Variants in RANGAP1 observed in about 807,000 individuals in gnomAD.
RANGAP1 encodes the protein Ran GTPase activating protein 1, also known as ran GTPase-activating protein 1.
In RANGAP1, 38 loss-of-function variants were observed where a neutral mutation model predicts 63.5. That is an observed-to-expected ratio of 0.60 (90% confidence interval 0.46 to 0.78). The LOEUF (loss-of-function observed/expected upper bound fraction) is 0.78, where lower values mean the gene tolerates loss of function less well. Among genes scored for constraint, RANGAP1 ranks in the 30% least tolerant of loss-of-function variants. The pLI is 0.00. For synonymous variants in RANGAP1, 329 were observed against 310.5 expected, an observed-to-expected ratio of 1.06 and a Z score of -0.63; for missense variants, 630 against 740.3, an observed-to-expected ratio of 0.85 and a Z score of 1.73.
At chr22:41,250,204 G>A (rs887898800) in intron 13 of RANGAP1, among the ~76,000 whole-genome samples, 6 of 152,214 alleles carry the variant, frequency 3.9e-5, no homozygotes, top group African/African-American at 1.4e-4. Flanking sequence ...TAGGCTTCCT[G>A]GGAAACAGAA....
intron 4 of RANGAP1, among the ~76,000 whole-genome samples, chr22:41,267,746 T>G (rs942795560): frequency 5.9e-5 from 9 of 152,134 alleles, no homozygotes; most frequent in African/African-American, 2.2e-4. Context: ...GGAGCAGGAC[T>G]GCGAGGTGCA....
chr22:41,283,213 A>AG (rs1451889966), intron 1 of RANGAP1, among the ~76,000 whole-genome samples: 27 of 114,944 alleles, frequency 2.3e-4, no homozygotes, highest in Middle Eastern at 4.4e-3. Flanking sequence ...TTAAAAAAAA[A>AG]AGGGGGGGGT....
At chr22:41,284,567 CAA>C (rs748021374) in intron 1 of RANGAP1, among the ~76,000 whole-genome samples, 2 of 132,420 alleles carry the variant, frequency 1.5e-5, no homozygotes, top group Non-Finnish European at 1.6e-5. Flanking sequence ...AACTCCGTCT[CAA>C]AAAAAAAAAA....
At chr22:41,264,957 C>T in intron 4 of RANGAP1, 114 bp from the exon 5 acceptor site, 1 of 1,074,658 alleles carries the variant, frequency 9.3e-7, no homozygotes, top group Non-Finnish European at 1.3e-6. Context: ...TGGTGCAGAA[C>T]CAACACAGAC....
At position 41,274,590 on chromosome 22, in the gene RANGAP1, C is replaced by T; in HGVS notation, c.240+10G>A. The T allele has an allele frequency of 1.9e-6, 3 of 1,614,104 alleles. No homozygotes were observed. The East Asian group carries it at 6.7e-5, about 36-fold the overall frequency. ...AACCAGCCTGGGCCTACTCGCCCCA[C>T]TCTGCTCACCTTCAACTCCGACTTC... On this transcript the variant is annotated intron_variant, in intron 3 of 15. Transcript: ENST00000356244.
intron 2 of RANGAP1, among the ~76,000 whole-genome samples, chr22:41,280,194 G>A (rs1448017365): frequency 6.6e-6 from 1 of 152,204 alleles, no homozygotes; most frequent in African/African-American, 2.4e-5. Flanking sequence ...GCTACCCAAG[G>A]ACTCAAGCAG....
Position 41,274,631 on chromosome 22 carries a change from G to C in RANGAP1, c.209C>G (p.Ala70Gly), listed in dbSNP as rs1346730213. ...TVGVEAARVI[A>G]KALEKKSELK... ...CTCCGACTTCTTCTCTAAGGCCTTGGCGATGACCCTGGCTGCTTCCACGCC... is the reference window on the plus strand; with the variant it reads ...CTCCGACTTCTTCTCTAAGGCCTTGCCGATGACCCTGGCTGCTTCCACGCC... The change falls in exon 3 of 16, where the codon GCC becomes GGC. Residue 70 changes from alanine (A) to glycine (G), a missense_variant. Ala to Gly is a moderately conservative substitution (Grantham distance 60, BLOSUM62 0). This residue lies in a region of RANGAP1 where 137 missense variants were observed against 214.3 expected (regional missense o/e 0.64). Coordinates refer to ENST00000356244, the MANE Select transcript of RANGAP1 (RefSeq NM_002883.4). 2 of 1,614,184 alleles carry C rather than the reference G, an allele frequency of 1.2e-6. No individual in the cohort carries two copies. The highest frequency in any genetic ancestry group is 2.7e-5 in the African/African-American group (2 of 75,054).
the RANGAP1 span, among the ~76,000 whole-genome samples, chr22:41,299,736 G>C: frequency 6.6e-6 from 1 of 152,026 alleles, no homozygotes; most frequent in African/African-American, 2.4e-5. Flanking sequence ...ACCGATGCCA[G>C]CCTCCTGGCC....
intron 1 of RANGAP1, chr22:41,285,238 A>T (rs541798869): frequency 6.6e-6 from 1 of 152,644 alleles, no homozygotes; most frequent in East Asian, 1.9e-4. Context: ...GAGATGGGAC[A>T]ATTTGAGGGT....
intron 1 of RANGAP1, chr22:41,282,276 G>C (rs1344740526): frequency 6.6e-6 from 1 of 152,214 alleles, no homozygotes; most frequent in Non-Finnish European, 1.5e-5. Flanking sequence ...CTCCAGCCTG[G>C]GCAACAGCGG....
chr22:41,261,169 C>T (rs758225430), intron 6 of RANGAP1, among the ~76,000 whole-genome samples: 10 of 152,240 alleles, frequency 6.6e-5, no homozygotes, highest in Non-Finnish European at 1.5e-4. Flanking sequence ...GATGACACTC[C>T]TTGGTCAGAG....
chr22:41,266,948 T>C (rs1181525910), intron 4 of RANGAP1, among the ~76,000 whole-genome samples: 2 of 145,300 alleles, frequency 1.4e-5, no homozygotes, highest in South Asian at 2.1e-4. Flanking sequence ...TGGCATGATC[T>C]TGGCTCACTG....
At chr22:41,284,186 G>C (rs1188480522) in intron 1 of RANGAP1, among the ~76,000 whole-genome samples, 1 of 152,012 alleles carries the variant, frequency 6.6e-6, no homozygotes, top group Admixed American at 6.6e-5. Flanking sequence ...GGTGGAGCTT[G>C]CAGTGAGCTG....
At chr22:41,291,157 T>C (rs1420056317), upstream of RANGAP1, among the ~76,000 whole-genome samples, 2 of 152,242 alleles carry the variant, frequency 1.3e-5, no homozygotes, top group Non-Finnish European at 2.9e-5. Context: ...TATGTTCCAA[T>C]AGGCACTGTT....
At chr22:41,293,347 G>A in the RANGAP1 span, among the ~76,000 whole-genome samples, 1 of 152,070 alleles carries the variant, frequency 6.6e-6, no homozygotes, top group Non-Finnish European at 1.5e-5. Context: ...AGGAGTTGAA[G>A]GCTGAAGCGA....
In RANGAP1 at chr22:41,246,565, T is replaced by A. The variant is rs1490978005; in HGVS notation, c.*38A>T. 1.3e-6 allele frequency: 2 copies of A among 1,497,938 alleles called. No homozygotes were observed. The highest frequency in any genetic ancestry group is 9.1e-7 in the Non-Finnish European group (1 of 1,096,568). The allele number at this position is 1,497,938 out of a possible 1,614,324, so 92.8% of individuals were successfully genotyped here. A position where few individuals can be genotyped will look rare whatever the true frequency, so the allele number is the denominator to read the frequency against. On this transcript the variant is annotated 3_prime_UTR_variant, in exon 16 of 16. Transcript: ENST00000356244. The stretch of plus-strand genomic sequence containing the variant: ...CAGTTCATCCGAGTCCCTCCCCAGC[T>A]CACTGGTCCAGGCCAAGGGATGGGA...
chr22:41,264,332 A>C (rs185337436), intron 5 of RANGAP1, among the ~76,000 whole-genome samples: 18 of 152,300 alleles, frequency 1.2e-4, no homozygotes, highest in Non-Finnish European at 2.9e-5. Flanking sequence ...CCCTCTGCCT[A>C]TGTGCCAGGC....
At chr22:41,265,428 G>A (rs1417954526) in intron 4 of RANGAP1, among the ~76,000 whole-genome samples, 4 of 152,218 alleles carry the variant, frequency 2.6e-5, no homozygotes, top group Admixed American at 2.6e-4. Context: ...GTGAGGCAGC[G>A]ACACTGGCAA....
At chr22:41,294,626 C>G in the RANGAP1 span, among the ~76,000 whole-genome samples, 2 of 145,556 alleles carry the variant, frequency 1.4e-5, no homozygotes, top group Admixed American at 6.9e-5. Flanking sequence ...TTCCCGGCCG[C>G]CATCCCATCT....
Sources: allele counts gnomAD v4.1 joint callset (sites outside exome capture counted in the v4.1 genomes callset), GRCh38; gene constraint gnomAD v4.1.1; regional missense constraint gnomAD v4.1.1; transcripts MANE v1.5; gene names NCBI Gene and HGNC (gene_info 2026-07-23, HGNC 2026-07-21).